The following PINX1 variants were observed in gnomAD, a reference collection of about 807,000 sequenced individuals.
The protein encoded by PINX1 is PIN2 (TERF1) interacting telomerase inhibitor 1.
Under a neutral mutation model 25.4 loss-of-function variants are expected in PINX1, and 34 were observed. The observed-to-expected ratio is 1.34, with a 90% CI of 1.02 to 1.78. PINX1 has a LOEUF of 1.78. PINX1 is among the 40% of genes most tolerant of loss of function. The pLI, the probability that PINX1 is intolerant of heterozygous loss-of-function variation, is 0.00. For missense variants in PINX1, 592 were observed against 404.9 expected (o/e 1.46, Z -3.97); for synonymous variants, 197 against 147.7 (o/e 1.33, Z -2.42).
intron 6 of PINX1, among the ~76,000 whole-genome samples, chr8:10,796,622 T>C (rs553308030): frequency 6.6e-6 from 1 of 152,236 alleles, no homozygotes; most frequent in East Asian, 1.9e-4. Context: ...AAAACAAACT[T>C]GCTCACTCCA....
intron 6 of PINX1, among the ~76,000 whole-genome samples, chr8:10,785,862 A>G (rs1251795964): frequency 6.6e-6 from 1 of 152,248 alleles, no homozygotes; most frequent in Non-Finnish European, 1.5e-5. Flanking sequence ...TAGTGTACTG[A>G]GAATAGTTCT....
intron 6 of PINX1, among the ~76,000 whole-genome samples, chr8:10,769,505 G>A (rs1169774700): frequency 6.6e-6 from 1 of 152,214 alleles, no homozygotes; most frequent in African/African-American, 2.4e-5. Context: ...AGCCCTGAGA[G>A]TTTAAAGCCA....
intron 4 of PINX1, among the ~76,000 whole-genome samples, chr8:10,828,405 G>C (rs1218201410): frequency 6.6e-6 from 1 of 152,112 alleles, no homozygotes; most frequent in Non-Finnish European, 1.5e-5. Flanking sequence ...ATGAATTCTT[G>C]GATTTCCTTC....
chr8:10,802,148 C>G (rs1205040235), intron 6 of PINX1, among the ~76,000 whole-genome samples: 2 of 152,088 alleles, frequency 1.3e-5, no homozygotes, highest in African/African-American at 4.8e-5. Flanking sequence ...GAAAAAAAAA[C>G]TTTAGCATAA....
intron 6 of PINX1, among the ~76,000 whole-genome samples, chr8:10,799,034 G>C (rs1318477826): frequency 6.6e-6 from 1 of 152,014 alleles, no homozygotes; most frequent in Non-Finnish European, 1.5e-5. Flanking sequence ...GGAAATTAGA[G>C]GTAAGAACCC....
chr8:10,771,729 G>A (rs1241793922), intron 6 of PINX1, among the ~76,000 whole-genome samples: 4 of 152,204 alleles, frequency 2.6e-5, no homozygotes, highest in Non-Finnish European at 1.5e-5. Context: ...ACATCAGGCA[G>A]GTCTAATGTC....
At chr8:10,826,130 G>C in intron 5 of PINX1, 22 bp downstream of exon 5, 1 of 1,335,056 alleles carries the variant, frequency 7.5e-7, no homozygotes, top group Non-Finnish European at 1.1e-6. Context: ...TCAATAACAA[G>C]TAAAGAAATG....
intron 6 of PINX1, among the ~76,000 whole-genome samples, chr8:10,799,006 C>T (rs1035244694): frequency 4.6e-5 from 7 of 152,178 alleles, no homozygotes; most frequent in Non-Finnish European, 7.3e-5. Flanking sequence ...TTTGTACTCA[C>T]GTACACTTTC....
At chr8:10,796,851 CAT>C (rs1017469322) in intron 6 of PINX1, among the ~76,000 whole-genome samples, 8 of 151,992 alleles carry the variant, frequency 5.3e-5, no homozygotes, top group African/African-American at 1.9e-4. Flanking sequence ...TAAATATCTA[CAT>C]GTTTAATCTG....
chr8:10,768,048 C>G (rs1247899068), intron 6 of PINX1, among the ~76,000 whole-genome samples: 2 of 98,010 alleles, frequency 2.0e-5, no homozygotes, highest in African/African-American at 8.2e-5. Context: ...CAGAGACAGG[C>G]TCGGTGACCA....
chr8:10,803,309 G>C (rs1802328243), intron 6 of PINX1, among the ~76,000 whole-genome samples: 1 of 152,158 alleles, frequency 6.6e-6, no homozygotes, highest in Non-Finnish European at 1.5e-5. Context: ...AGTGCCATTA[G>C]CACATCTAAT....
At chr8:10,776,777 C>T (rs375089655) in intron 6 of PINX1, among the ~76,000 whole-genome samples, 1 of 152,084 alleles carries the variant, frequency 6.6e-6, no homozygotes, top group Non-Finnish European at 1.5e-5. Context: ...GAGTCGCCAC[C>T]CTGCTCCCTT....
At chr8:10,778,473 T>C (rs1168291098) in intron 6 of PINX1, among the ~76,000 whole-genome samples, 2 of 152,170 alleles carry the variant, frequency 1.3e-5, no homozygotes, top group South Asian at 2.1e-4. Flanking sequence ...CTCTGTCTCA[T>C]GTATCTCCTG....
At chr8:10,823,407 T>G (rs1345444645) in intron 5 of PINX1, among the ~76,000 whole-genome samples, 1 of 152,064 alleles carries the variant, frequency 6.6e-6, no homozygotes, top group Non-Finnish European at 1.5e-5. Context: ...GCTCTCCTGC[T>G]CTCCTGCCAA....
At chr8:10,777,062 T>G (rs2129072793) in intron 6 of PINX1, among the ~76,000 whole-genome samples, 1 of 152,326 alleles carries the variant, frequency 6.6e-6, no homozygotes, top group South Asian at 2.1e-4. Flanking sequence ...GCTTCATCTG[T>G]CAACAAACAA....
At chr8:10,822,011 T>A (rs1008107707) in intron 5 of PINX1, 1 of 152,210 alleles carries the variant, frequency 6.6e-6, no homozygotes. Flanking sequence ...AAGGTGCAAA[T>A]GTGTCTAAAG....
chr8:10,767,596 A>C (rs1226913955), intron 6 of PINX1, among the ~76,000 whole-genome samples: 1 of 152,250 alleles, frequency 6.6e-6, no homozygotes, highest in Non-Finnish European at 1.5e-5. Context: ...TTTGTTCTTC[A>C]AATGTTGAAA....
At chr8:10,839,654 C>G in intron 1 of PINX1, 84 bp downstream of exon 1, 8 of 1,415,406 alleles carry the variant, frequency 5.7e-6, no homozygotes, top group Non-Finnish European at 7.8e-6. Flanking sequence ...GCAACCCGAG[C>G]TCCCAGCCAC....
chr8:10,793,443 TG>T (rs1437570409), intron 6 of PINX1, among the ~76,000 whole-genome samples: 4 of 152,158 alleles, frequency 2.6e-5, no homozygotes, highest in African/African-American at 9.7e-5. Flanking sequence ...TAATGACAGC[TG>T]ATGTGCTATT....
Sources: allele counts gnomAD v4.1 joint callset (sites outside exome capture counted in the v4.1 genomes callset), GRCh38; gene constraint gnomAD v4.1.1; transcripts MANE v1.5; gene names NCBI Gene and HGNC (gene_info 2026-07-23, HGNC 2026-07-21).